Variants in PDE4C observed in about 807,000 individuals in gnomAD.
The protein encoded by PDE4C is phosphodiesterase 4C.
PDE4C carries 50 observed loss-of-function variants against 63.9 expected under a neutral mutation model. That is an observed-to-expected ratio of 0.78 (90% CI 0.62 to 0.99). The LOEUF is 0.99. Among genes scored for constraint, PDE4C ranks in the 50% least tolerant of loss-of-function variants. PDE4C has a pLI of 0.00. For missense variants in PDE4C, 777 were observed against 899.1 expected (o/e 0.86, Z 1.74); for synonymous variants, 377 against 385.1 (o/e 0.98, Z 0.25).
chr19:18,226,200 C>G (rs534453425), intron 1 of PDE4C, 70 bp downstream of exon 1: 1 of 1,321,280 alleles, frequency 7.6e-7, no homozygotes, highest in East Asian at 2.6e-5. Flanking sequence ...GGCCTTGTCC[C>G]TGTCCCTGCC....
chr19:18,249,529 C>T (rs1057101526), upstream of PDE4C, among the ~76,000 whole-genome samples: 8 of 151,994 alleles, frequency 5.3e-5, no homozygotes, highest in Admixed American at 1.3e-4. Context: ...CCCACCTTTG[C>T]CTTCCAAAGT....
At chr19:18,217,148 A>T in intron 11 of PDE4C, 1 of 379,468 alleles carries the variant, frequency 2.6e-6, no homozygotes. Context: ...GACAGTGAGT[A>T]CTCAGTAATG....
chr19:18,210,753 G>T, exon 15 of PDE4C: 1 of 1,129,570 alleles, frequency 8.9e-7, no homozygotes, highest in African/African-American at 1.6e-5. Flanking sequence ...GTGGACCCCA[G>T]CCAGGTGCCT....
upstream of PDE4C, among the ~76,000 whole-genome samples, chr19:18,229,841 G>C (rs1311591978): frequency 6.6e-6 from 1 of 151,988 alleles, no homozygotes; most frequent in Non-Finnish European, 1.5e-5. Flanking sequence ...ATTGCCCTCA[G>C]ATCTGAATTC....
intron 1 of PDE4C, among the ~76,000 whole-genome samples, chr19:18,247,347 G>A (rs575620929): frequency 6.6e-6 from 1 of 152,202 alleles, no homozygotes; most frequent in East Asian, 1.9e-4. Context: ...CCAGGCTGGA[G>A]TGCAGTGGCG....
At position 18,220,349 on chromosome 19, in the gene PDE4C, T is replaced by G. The variant is rs750522081; in HGVS notation, c.613-30A>C. On this transcript the variant is annotated intron_variant, in intron 6 of 14. Transcript: ENST00000262805. The surrounding 1 kb of genome is among the most constrained non-coding windows in gnomAD (Gnocchi z 5.1). ...GGCGGAGAGAAGGTGAAGACCGTGA[T>G]GATGGGGCACCGTGGGCCGAGGCAG... The G allele has an allele frequency of 6.2e-7, 1 of 1,613,348 alleles. No homozygotes were observed. Among genetic ancestry groups the G allele is most frequent in the Non-Finnish European group, 8.5e-7 (1 of 1,179,304 alleles).
At chr19:18,237,247 G>C (rs540682941), upstream of PDE4C, among the ~76,000 whole-genome samples, 2 of 152,292 alleles carry the variant, frequency 1.3e-5, no homozygotes, top group East Asian at 1.9e-4. Flanking sequence ...AAACGTGGGG[G>C]GATATAAATA....
intron 12 of PDE4C, 71 bp downstream of exon 12, chr19:18,216,670 G>T: frequency 6.9e-7 from 1 of 1,440,486 alleles, no homozygotes; most frequent in Non-Finnish European, 9.4e-7. Context: ...ACCCCACCCT[G>T]CTGTCTGCAG....
At chr19:18,252,933 A>T (rs996495985), upstream of PDE4C, among the ~76,000 whole-genome samples, 6 of 151,962 alleles carry the variant, frequency 3.9e-5, no homozygotes, top group African/African-American at 1.5e-4. Context: ...TAATTAATTT[A>T]TTTTTTTGTC....
chr19:18,215,024 C>T (rs1032121207), intron 12 of PDE4C, among the ~76,000 whole-genome samples: 10 of 152,022 alleles, frequency 6.6e-5, no homozygotes, highest in Non-Finnish European at 1.3e-4. Flanking sequence ...TGTGGTTCAC[C>T]GGCTTCTCTG....
chr19:18,238,132 G>T (rs567284640), upstream of PDE4C, among the ~76,000 whole-genome samples: 1 of 152,224 alleles, frequency 6.6e-6, no homozygotes, highest in South Asian at 2.1e-4. Context: ...GGCTGAGGTG[G>T]GAGGACTGCT....
chr19:18,226,378 G>A, exon 1 of PDE4C: 5 of 1,478,778 alleles, frequency 3.4e-6, no homozygotes, highest in Non-Finnish European at 4.5e-6. Flanking sequence ...AGGGGAGCCG[G>A]GCCCGGGGAC....
chr19:18,242,895 G>A (rs571242493), intron 1 of PDE4C, among the ~76,000 whole-genome samples: 9 of 152,190 alleles, frequency 5.9e-5, no homozygotes, highest in African/African-American at 2.2e-4. Flanking sequence ...AGAATGTTGA[G>A]GTTTTGAGGA....
intron 7 of PDE4C, among the ~76,000 whole-genome samples, chr19:18,219,855 G>C (rs1407143336): frequency 1.3e-5 from 2 of 151,536 alleles, no homozygotes; most frequent in Non-Finnish European, 2.9e-5. Context: ...CTTGCCTGTA[G>C]CTACCTACCC....
chr19:18,255,266 C>T, the PDE4C span: 3 of 399,248 alleles, frequency 7.5e-6, no homozygotes, highest in African/African-American at 6.2e-5. The surrounding 1 kb of genome is among the most constrained non-coding windows in gnomAD (Gnocchi z 4.6). Context: ...GCAGCACCAC[C>T]AGCACCAAAA....
At chr19:18,218,567 C>G (rs1600073168) in intron 9 of PDE4C, 69 bp from the exon 10 acceptor site, 2 of 1,543,826 alleles carry the variant, frequency 1.3e-6, no homozygotes, top group South Asian at 1.1e-5. Flanking sequence ...TCCTACCCCT[C>G]TCTTCTGAAC....
At chr19:18,219,477 A>C in intron 7 of PDE4C, 80 bp from the exon 8 acceptor site, 1 of 1,459,050 alleles carries the variant, frequency 6.9e-7, no homozygotes, top group South Asian at 1.4e-5. Flanking sequence ...ATTTTGCCAA[A>C]CCCCAGAATC....
intron 1 of PDE4C, among the ~76,000 whole-genome samples, chr19:18,243,438 G>C (rs529775647): frequency 2.0e-5 from 3 of 152,242 alleles, no homozygotes; most frequent in Non-Finnish European, 2.9e-5. Flanking sequence ...ATGATTACTT[G>C]TTTTTCAGAA....
upstream of PDE4C, among the ~76,000 whole-genome samples, chr19:18,248,535 T>A (rs112253052): frequency 2.6e-5 from 4 of 151,726 alleles, no homozygotes; most frequent in African/African-American, 9.7e-5. Flanking sequence ...TGTGTTTGCA[T>A]ATGATAGAGT....
Sources: gnomAD v4.1 joint callset for allele counts (sites outside exome capture counted in the v4.1 genomes callset) on GRCh38, gnomAD v4.1.1 for gene constraint, Gnocchi (gnomAD v3.1) non-coding constraint, MANE v1.5 for transcripts, NCBI Gene and HGNC (gene_info 2026-07-23, HGNC 2026-07-21) for gene names.